The following TMTC1 variants were observed in gnomAD, a reference collection of about 807,000 sequenced individuals.
TMTC1 encodes protein O-mannosyl-transferase TMTC1.
TMTC1 carries 73 observed loss-of-function variants against 104.8 expected under a neutral mutation model. That is an observed-to-expected ratio of 0.70 (90% CI 0.58 to 0.85). TMTC1 has a LOEUF of 0.85. TMTC1 is among the 40% of genes least tolerant of loss of function. The pLI is 0.00. For synonymous variants in TMTC1, 434 were observed against 428.7 expected, an observed-to-expected ratio of 1.01 and a Z score of -0.15; for missense variants, 1,035 against 1,096.1, an observed-to-expected ratio of 0.94 and a Z score of 0.79.
At chr12:29,739,385 G>A (rs897884100) in intron 5 of TMTC1, among the ~76,000 whole-genome samples, 3 of 152,162 alleles carry the variant, frequency 2.0e-5, no homozygotes, top group Non-Finnish European at 4.4e-5. Context: ...TCTGCCTGGA[G>A]ATACTATCAT....
intron 5 of TMTC1, among the ~76,000 whole-genome samples, chr12:29,737,512 C>CA (rs369816917): frequency 9.0e-4 from 135 of 150,622 alleles, no homozygotes; most frequent in African/African-American, 3.0e-3. Flanking sequence ...GAAACTCCGT[C>CA]AAAAAAATAA....
chr12:29,685,664 C>G (rs542717642), intron 5 of TMTC1, among the ~76,000 whole-genome samples: 83 of 152,052 alleles, frequency 5.5e-4, no homozygotes, highest in African/African-American at 1.9e-3. Context: ...GCCTGGTTTG[C>G]AATACAGCAA....
At chr12:29,626,035 T>C (rs1346517585) in intron 6 of TMTC1, among the ~76,000 whole-genome samples, 2 of 152,230 alleles carry the variant, frequency 1.3e-5, no homozygotes, top group African/African-American at 4.8e-5. Context: ...GAAAAGATTC[T>C]CTAGACTAAA....
chr12:29,660,351 G>C (rs1000163404), intron 5 of TMTC1, among the ~76,000 whole-genome samples: 25 of 152,300 alleles, frequency 1.6e-4, no homozygotes, highest in Non-Finnish European at 2.8e-4. Flanking sequence ...AAACTTCATT[G>C]AGTAACCTCA....
intron 5 of TMTC1, among the ~76,000 whole-genome samples, chr12:29,649,377 T>C (rs2136591421): frequency 1.3e-5 from 2 of 152,306 alleles, no homozygotes; most frequent in Middle Eastern, 6.8e-3. Context: ...TAGAGCATTC[T>C]TTGTGACTAA....
chr12:29,683,023 T>C lies in TMTC1; in HGVS notation c.939-49687A>G, dbSNP rs769075539. Among the ~76,000 whole-genome samples, 29 of 152,370 alleles carry C rather than the reference T, an allele frequency of 1.9e-4. No individual in the cohort carries two copies. The Middle Eastern group carries it at 0.017, about 89-fold the overall frequency. On this transcript the variant is annotated intron_variant, in intron 5 of 17. Coordinates refer to ENST00000539277, the MANE Select transcript of TMTC1 (RefSeq NM_001193451.2). ...TCTAGATTTTCCTGTGCATCTGTGT[T>C]ATAAAATAAACAAATTTTCTTAAAA...
chr12:29,636,848 A>G (rs1938575534), intron 5 of TMTC1, among the ~76,000 whole-genome samples: 1 of 151,518 alleles, frequency 6.6e-6, no homozygotes, highest in South Asian at 2.1e-4. Flanking sequence ...AGTTTGAGAT[A>G]AGCCTAGGCA....
At chr12:29,628,636 C>T (rs539520451) in intron 6 of TMTC1, among the ~76,000 whole-genome samples, 52 of 152,234 alleles carry the variant, frequency 3.4e-4, no homozygotes, top group African/African-American at 1.3e-3. Flanking sequence ...CTCTACAACC[C>T]TTTATTGTAA....
intron 5 of TMTC1, among the ~76,000 whole-genome samples, chr12:29,731,509 T>C (rs1267517937): frequency 6.6e-6 from 1 of 152,188 alleles, no homozygotes; most frequent in African/African-American, 2.4e-5. Context: ...TTGAAGCTCT[T>C]AGAAGAAAAG....
intron 5 of TMTC1, among the ~76,000 whole-genome samples, chr12:29,745,215 A>C (rs1006879905): frequency 3.9e-5 from 6 of 152,184 alleles, no homozygotes; most frequent in African/African-American, 1.4e-4. Flanking sequence ...ATTTGCCTGC[A>C]GTAATCAACC....
At chr12:29,535,340 G>C (rs1944613381) in intron 11 of TMTC1, 1 of 152,098 alleles carries the variant, frequency 6.6e-6, no homozygotes, top group Non-Finnish European at 1.5e-5. Context: ...CTATCCTACA[G>C]GGAGAAAGGG....
chr12:29,623,113 C>G (rs1490266162), intron 6 of TMTC1, among the ~76,000 whole-genome samples: 3 of 152,150 alleles, frequency 2.0e-5, no homozygotes, highest in African/African-American at 7.2e-5. Context: ...CTGGAATAGT[C>G]TGCAATGTGT....
intron 5 of TMTC1, among the ~76,000 whole-genome samples, chr12:29,704,818 G>C (rs1941694908): frequency 1.3e-5 from 2 of 152,192 alleles, no homozygotes; most frequent in South Asian, 4.1e-4. Context: ...AGTCTATAAG[G>C]AGGAAGGTGC....
intron 5 of TMTC1, among the ~76,000 whole-genome samples, chr12:29,729,229 T>C (rs114799508): frequency 2.6e-4 from 39 of 151,750 alleles, no homozygotes; most frequent in Middle Eastern, 6.8e-3. Flanking sequence ...AATTTGTCAC[T>C]ATTGTTCAAA....
intron 5 of TMTC1, among the ~76,000 whole-genome samples, chr12:29,702,348 G>A (rs978305471): frequency 7.2e-5 from 11 of 152,164 alleles, no homozygotes; most frequent in South Asian, 2.1e-4. Flanking sequence ...AAAACTTGTC[G>A]GGCTCAGATG....
At chr12:29,661,225 A>C (rs1565748237) in intron 5 of TMTC1, 1 of 337,454 alleles carries the variant, frequency 3.0e-6, no homozygotes, top group Non-Finnish European at 4.2e-6. Context: ...TTACTATCCC[A>C]TCGAATCCCA....
chr12:29,541,090 G>A (rs925996948), intron 10 of TMTC1, among the ~76,000 whole-genome samples: 5 of 152,004 alleles, frequency 3.3e-5, no homozygotes, highest in Admixed American at 2.0e-4. Context: ...TCCAATATTT[G>A]AATAAAATTT....
chr12:29,514,468 T>C lies in TMTC1; in HGVS notation c.2430+14A>G, dbSNP rs1446940874. 5.0e-6 allele frequency: 8 copies of C among 1,590,826 alleles called. No homozygotes were observed. The highest frequency in any genetic ancestry group is 6.0e-6 in the Non-Finnish European group (7 of 1,173,232). On this transcript the variant is annotated intron_variant, in intron 16 of 17. Transcript: ENST00000539277. ...CTGTGAATTTGATGATATAATTTTA[T>C]GATGAGTTTATACCTCAAAAGCTTT...
chr12:29,784,683 GTCT>G, upstream of TMTC1: 1 of 152,340 alleles, frequency 6.6e-6, no homozygotes, highest in Middle Eastern at 3.4e-3. Flanking sequence ...GAGCCGAATT[GTCT>G]TCTGAAACAT....
Sources: allele counts gnomAD v4.1 joint callset (sites outside exome capture counted in the v4.1 genomes callset), GRCh38; gene constraint gnomAD v4.1.1; transcripts MANE v1.5; gene names NCBI Gene and HGNC (gene_info 2026-07-23, HGNC 2026-07-21).